The following FAM117B variants were observed in gnomAD, a reference collection of about 807,000 sequenced individuals.
FAM117B encodes family with sequence similarity 117 member B, also known as protein FAM117B.
In FAM117B, 22 loss-of-function variants were observed where a neutral mutation model predicts 52.8. The observed-to-expected ratio is 0.42, with a 90% CI of 0.30 to 0.59. FAM117B has a LOEUF of 0.59. FAM117B is among the 20% of genes least tolerant of loss of function. FAM117B has a pLI of 0.22. For synonymous variants in FAM117B, 309 were observed against 324.1 expected (o/e 0.95, Z 0.50); for missense variants, 678 against 802.6 (o/e 0.84, Z 1.88).
At chr2:202,643,149 C>T (rs928232212) in intron 1 of FAM117B, among the ~76,000 whole-genome samples, 4 of 151,868 alleles carry the variant, frequency 2.6e-5, no homozygotes, top group South Asian at 2.1e-4. Context: ...TTAATGTGGA[C>T]GGAAGGAAAG....
At chr2:202,655,760 G>C (rs1002722839) in intron 1 of FAM117B, among the ~76,000 whole-genome samples, 5 of 139,060 alleles carry the variant, frequency 3.6e-5, no homozygotes, top group Non-Finnish European at 7.9e-5. Context: ...GAGAGAGAGA[G>C]AGTGTGTGTG....
chr2:202,722,765 C>A (rs1033713713), intron 2 of FAM117B, among the ~76,000 whole-genome samples: 1 of 151,940 alleles, frequency 6.6e-6, no homozygotes, highest in African/African-American at 2.4e-5. Context: ...GTACAACAAA[C>A]CCCCATGACA....
intron 7 of FAM117B, 149 bp downstream of exon 7, chr2:202,759,502 C>A: frequency 9.9e-7 from 1 of 1,013,200 alleles, no homozygotes; most frequent in Non-Finnish European, 1.4e-6. Flanking sequence ...AGTTATCTTC[C>A]CACCTCAACC....
rs559099361 is a variant in FAM117B, at chr2:202,697,044, G to A, written c.753+1012G>A. ...TGATCATACCACAGCACACCAGCCTGGGCAATAGAGTGAGAACCTGTCTCA... is the reference window on the plus strand; with the variant it reads ...TGATCATACCACAGCACACCAGCCTAGGCAATAGAGTGAGAACCTGTCTCA... On this transcript the variant is annotated intron_variant, in intron 2 of 7. Coordinates refer to ENST00000392238, the MANE Select transcript of FAM117B (RefSeq NM_173511.4). Among the ~76,000 whole-genome samples, 13 of 152,224 alleles carry A rather than the reference G, an allele frequency of 8.5e-5. 1 individual carries two copies. The South Asian group carries it at 2.7e-3, about 32-fold the overall frequency.
intron 1 of FAM117B, among the ~76,000 whole-genome samples, chr2:202,674,057 T>TAGG (rs1281939463): frequency 6.6e-6 from 1 of 152,182 alleles, no homozygotes; most frequent in Non-Finnish European, 1.5e-5. Flanking sequence ...TCTTGTTTCC[T>TAGG]AGGGTTCCAT....
intron 4 of FAM117B, among the ~76,000 whole-genome samples, chr2:202,732,557 G>T (rs1691370552): frequency 6.6e-6 from 1 of 152,144 alleles, no homozygotes; most frequent in South Asian, 2.1e-4. Flanking sequence ...GGCGGCTTAT[G>T]CCCGAAATAC....
At chr2:202,732,528 C>G (rs971623528) in intron 4 of FAM117B, among the ~76,000 whole-genome samples, 9 of 152,074 alleles carry the variant, frequency 5.9e-5, no homozygotes, top group Non-Finnish European at 1.5e-5. Context: ...ACCTTGAAAA[C>G]ATTATGCTGG....
At position 202,645,574 on chromosome 2, in the gene FAM117B, T is replaced by C. The variant is rs187277007; in HGVS notation, c.601+9786T>C. Among the ~76,000 whole-genome samples the C allele has an allele frequency of 1.0e-4, 15 of 145,894 alleles. No homozygotes were observed. In the East Asian group the frequency reaches 2.7e-3, roughly 26 times the overall value. On this transcript the variant is annotated intron_variant, in intron 1 of 7. Transcript: ENST00000392238. ...AAAGTGCTGGGATTACAGGCGTGAGTCACTGCGCCCGGCAGCCTGTTTTTA... is the reference window on the plus strand; with the variant it reads ...AAAGTGCTGGGATTACAGGCGTGAGCCACTGCGCCCGGCAGCCTGTTTTTA...
intron 4 of FAM117B, among the ~76,000 whole-genome samples, chr2:202,742,881 C>T (rs1378021353): frequency 6.6e-6 from 1 of 152,226 alleles, no homozygotes. Context: ...CCAGCCCCCA[C>T]AAGCACCTCT....
chr2:202,674,309 A>G (rs966173238), intron 1 of FAM117B, among the ~76,000 whole-genome samples: 12 of 152,244 alleles, frequency 7.9e-5, no homozygotes, highest in African/African-American at 2.9e-4. Context: ...GGAACACATA[A>G]TAACGCTAGT....
intron 1 of FAM117B, among the ~76,000 whole-genome samples, chr2:202,694,868 T>C (rs1026370178): frequency 1.3e-5 from 2 of 152,362 alleles, no homozygotes; most frequent in South Asian, 4.1e-4. Flanking sequence ...TAAGTGCCAG[T>C]ATTACTTTTA....
At chr2:202,732,290 G>A (rs1243598013) in intron 4 of FAM117B, among the ~76,000 whole-genome samples, 2 of 152,116 alleles carry the variant, frequency 1.3e-5, no homozygotes, top group African/African-American at 4.8e-5. Context: ...AAATGGCCCG[G>A]CACTTCCTCT....
chr2:202,725,299 C>CTTTTTTTTTTT (rs11432596), intron 3 of FAM117B: 1 of 148,218 alleles, frequency 6.7e-6, no homozygotes. Flanking sequence ...CACATTTATT[C>CTTTTTTTTTTT]TTTTTTTTTT....
chr2:202,750,021 T>G (rs1691699084), intron 4 of FAM117B, among the ~76,000 whole-genome samples: 1 of 152,210 alleles, frequency 6.6e-6, no homozygotes, highest in South Asian at 2.1e-4. Context: ...AAATTTATCT[T>G]CCAGTTCTGG....
chr2:202,691,649 T>TTGTGTGTGTG (rs199855927), intron 1 of FAM117B, among the ~76,000 whole-genome samples: 97 of 126,850 alleles, frequency 7.6e-4, no homozygotes, highest in Non-Finnish European at 6.2e-4. Context: ...CCAGTTTACA[T>TTGTGTGTGTG]TGTGTGTGTG....
chr2:202,669,291 A>G (rs1289477037), intron 1 of FAM117B, among the ~76,000 whole-genome samples: 4 of 152,194 alleles, frequency 2.6e-5, no homozygotes, highest in Admixed American at 2.0e-4. Flanking sequence ...CTAGGAAGAA[A>G]AAACTTAATC....
At chr2:202,691,959 G>A (rs1409716726) in intron 1 of FAM117B, among the ~76,000 whole-genome samples, 1 of 152,114 alleles carries the variant, frequency 6.6e-6, no homozygotes, top group African/African-American at 2.4e-5. Flanking sequence ...AAATAACTGT[G>A]CCATAGTGAA....
Position 202,765,799 on chromosome 2 carries a change from T to C in FAM117B, c.*35T>C. The C allele has an allele frequency of 6.3e-7, 1 of 1,595,448 alleles. No homozygotes were observed. Among genetic ancestry groups the C allele is most frequent in the Non-Finnish European group, 8.6e-7 (1 of 1,168,740 alleles). On this transcript the variant is annotated 3_prime_UTR_variant, in exon 8 of 8. Transcript: ENST00000392238. Reference sequence around the variant, plus strand: ...CAACGTGGCTGTTGTTCTGGGAAATTGGGAACCTCCTCAGATCACTGGATT... The same window carrying C: ...CAACGTGGCTGTTGTTCTGGGAAATCGGGAACCTCCTCAGATCACTGGATT...
chr2:202,691,764 T>A (rs1389180164), intron 1 of FAM117B, among the ~76,000 whole-genome samples: 1 of 152,128 alleles, frequency 6.6e-6, no homozygotes, highest in Admixed American at 6.6e-5. Context: ...AAAGGGATTT[T>A]TTTTTAGTTA....
Sources: allele counts gnomAD v4.1 joint callset (sites outside exome capture counted in the v4.1 genomes callset), GRCh38; gene constraint gnomAD v4.1.1; transcripts MANE v1.5; gene names NCBI Gene and HGNC (gene_info 2026-07-23, HGNC 2026-07-21).